The following TBPL1 variants were observed in gnomAD, a reference collection of about 807,000 sequenced individuals.
TBPL1 encodes the protein TATA-box binding protein like 1.
Under a neutral mutation model 22.1 loss-of-function variants are expected in TBPL1, and 4 were observed. That is an observed-to-expected ratio of 0.18 (90% CI 0.09 to 0.41). The LOEUF (loss-of-function observed/expected upper bound fraction) is 0.41. Among genes scored for constraint, TBPL1 ranks in the 10% least tolerant of loss-of-function variants. The pLI is 1.00. For missense variants in TBPL1, 115 were observed against 222.3 expected (o/e 0.52, Z 3.07); for synonymous variants, 64 against 71.0 (o/e 0.90, Z 0.50).
upstream of TBPL1, chr6:133,953,189 T>A (rs907462822): frequency 5.2e-5 from 8 of 152,786 alleles, no homozygotes; most frequent in African/African-American, 1.9e-4. Flanking sequence ...CCCCAGCGTC[T>A]AGTCTATTTA....
intron 1 of TBPL1, among the ~76,000 whole-genome samples, chr6:133,976,900 GGAGGTTGCCGT>G (rs1165492965): frequency 3.3e-5 from 5 of 151,606 alleles, no homozygotes; most frequent in African/African-American, 1.2e-4. Flanking sequence ...TCCAGGAGGC[GGAGGTTGCCGT>G]GAGCCAAGAT....
intron 6 of TBPL1, among the ~76,000 whole-genome samples, chr6:133,985,337 TACAC>T (rs60174070): frequency 1.8e-5 from 1 of 55,038 alleles, no homozygotes; most frequent in African/African-American, 5.9e-5. Flanking sequence ...TATATATATA[TACAC>T]ACATATATTT....
At chr6:133,954,413 C>G (rs887488162) in intron 1 of TBPL1, among the ~76,000 whole-genome samples, 2 of 152,244 alleles carry the variant, frequency 1.3e-5, no homozygotes, top group African/African-American at 2.4e-5. Flanking sequence ...ATTTCGCAGT[C>G]TCTTTGAGAA....
chr6:133,958,081 G>A (rs1178668748), intron 1 of TBPL1, among the ~76,000 whole-genome samples: 1 of 152,178 alleles, frequency 6.6e-6, no homozygotes, highest in Non-Finnish European at 1.5e-5. Context: ...GGTTATCACT[G>A]ATGGCAGATG....
chr6:133,957,162 A>G (rs1423877785), intron 1 of TBPL1, among the ~76,000 whole-genome samples: 2 of 152,196 alleles, frequency 1.3e-5, no homozygotes, highest in African/African-American at 4.8e-5. Context: ...ATCCCATTAA[A>G]TGTTTTTAAA....
intron 1 of TBPL1, among the ~76,000 whole-genome samples, chr6:133,957,401 A>G (rs1484995589): frequency 3.3e-5 from 5 of 152,246 alleles, no homozygotes; most frequent in African/African-American, 9.6e-5. Flanking sequence ...TTAGCACAAG[A>G]TAGACATCTG....
chr6:133,965,178 T>A (rs573499703), intron 1 of TBPL1, among the ~76,000 whole-genome samples: 1 of 152,370 alleles, frequency 6.6e-6, no homozygotes, highest in South Asian at 2.1e-4. Flanking sequence ...ATTAATTTAA[T>A]GGCTAAATTA....
chr6:133,982,565 C>T lies in TBPL1; in HGVS notation c.136-3C>T, dbSNP rs868334837. On this transcript the variant is annotated splice_polypyrimidine_tract_variant and splice_region_variant and intron_variant, in intron 2 of 6. Transcript: ENST00000237264. ...GAGGTAATCAGATTTTTTTTCCCCC[C>T]AGAAAGTATTAATGAAGCTTAGAAA... 2 of 1,608,046 alleles carry T rather than the reference C, an allele frequency of 1.2e-6. No individual in the cohort carries two copies. Among genetic ancestry groups the T allele is most frequent in the African/African-American group, 2.7e-5 (2 of 74,424 alleles).
Position 133,987,356 on chromosome 6 carries a change from T to A in TBPL1, c.*316T>A, listed in dbSNP as rs996530332. 1 of 168,282 alleles carries A rather than the reference T, an allele frequency of 5.9e-6. No individual in the cohort carries two copies. The highest frequency in any genetic ancestry group is 2.4e-5 in the African/African-American group (1 of 42,184). 10.4% of individuals were successfully genotyped at this position (168,282 alleles called of 1,614,324 possible). On this transcript the variant is annotated 3_prime_UTR_variant, in exon 7 of 7. Coordinates refer to ENST00000237264, the MANE Select transcript of TBPL1 (RefSeq NM_004865.4). Reference sequence around the variant, plus strand: ...ATTGTTTTATTGTCGTCATTGTTATTTTTTTCCATTTTGAGCTAATGTGTT... The same window carrying A: ...ATTGTTTTATTGTCGTCATTGTTATATTTTTCCATTTTGAGCTAATGTGTT...
chr6:133,984,762 C>T, intron 6 of TBPL1, 91 bp downstream of exon 6: 1 of 1,154,758 alleles, frequency 8.7e-7, no homozygotes, highest in Non-Finnish European at 1.3e-6. Context: ...GTGATTTGTT[C>T]CTTTCAGTCA....
At chr6:133,956,475 A>G (rs1583805687) in intron 1 of TBPL1, among the ~76,000 whole-genome samples, 1 of 152,208 alleles carries the variant, frequency 6.6e-6, no homozygotes, top group African/African-American at 2.4e-5. Flanking sequence ...TCTTTATTAC[A>G]TACTGCCTGG....
chr6:133,971,392 T>C (rs947719241), intron 1 of TBPL1, among the ~76,000 whole-genome samples: 3 of 152,258 alleles, frequency 2.0e-5, no homozygotes, highest in African/African-American at 4.8e-5. Context: ...TAGAAATCTC[T>C]TCAACATCCT....
At position 133,987,642 on chromosome 6, in the gene TBPL1, G is replaced by GTATATATA. The variant is rs1486152408; in HGVS notation, c.*603_*604insATATATAT. 3 of 130,440 alleles carry GTATATATA rather than the reference G, an allele frequency of 2.3e-5. No homozygotes were observed. Among genetic ancestry groups the GTATATATA allele is most frequent in the African/African-American group, 9.3e-5 (3 of 32,274 alleles). 8.1% of individuals were successfully genotyped at this position (130,440 alleles called of 1,614,324 possible). On this transcript the variant is annotated 3_prime_UTR_variant, in exon 7 of 7. Coordinates refer to ENST00000237264, the MANE Select transcript of TBPL1 (RefSeq NM_004865.4). ...GTGTATTTTGTGTGTGTGTGTGTGT[G>GTATATATA]TGTGTGTATATATATATATATATAT...
rs1776582391 is a variant in TBPL1, at chr6:133,989,112, G to GTAATTCGC, written c.*2076_*2083dup. On this transcript the variant is annotated 3_prime_UTR_variant, in exon 7 of 7. Transcript: ENST00000237264. ...GAGCCTCACCTAACAGTGTCCATGG[G>GTAATTCGC]TAATTCGCTAACCTTAACAAAGATG... The GTAATTCGC allele has an allele frequency of 6.6e-6, 1 of 152,156 alleles. No homozygotes were observed. The highest frequency in any genetic ancestry group is 6.6e-5 in the Admixed American group (1 of 15,256). The allele number at this position is 152,156 out of a possible 1,614,324, so 9.4% of individuals were successfully genotyped here.
intron 1 of TBPL1, among the ~76,000 whole-genome samples, chr6:133,979,412 G>A (rs1319952589): frequency 6.6e-6 from 1 of 152,134 alleles, no homozygotes; most frequent in African/African-American, 2.4e-5. Context: ...GTTAGACATT[G>A]GAACCAGAGT....
chr6:133,974,526 A>T (rs1776280720), intron 1 of TBPL1, among the ~76,000 whole-genome samples: 1 of 152,126 alleles, frequency 6.6e-6, no homozygotes, highest in Non-Finnish European at 1.5e-5. Context: ...ACGGGGTTTC[A>T]CCGTGTTGGT....
chr6:133,984,723 A>G (rs1413418920), intron 6 of TBPL1, 52 bp downstream of exon 6: 3 of 1,408,078 alleles, frequency 2.1e-6, no homozygotes, highest in African/African-American at 1.4e-5. Context: ...GAATGATACA[A>G]GATGCTCATA....
rs1776539561 is a variant in TBPL1 at position 133,987,052 on chromosome 6, A to G, written c.*12A>G. 1 of 1,595,714 alleles carries G rather than the reference A, an allele frequency of 6.3e-7. No homozygotes were observed. The highest frequency in any genetic ancestry group is 1.7e-5 in the Admixed American group (1 of 59,166). On this transcript the variant is annotated 3_prime_UTR_variant, in exon 7 of 7. Coordinates refer to ENST00000237264, the MANE Select transcript of TBPL1 (RefSeq NM_004865.4). ...AAGAAATTTTATAATTCACCACTTA[A>G]TTGGTTAGAATCTCTAACTGAGCAC... is the stretch of plus-strand genomic sequence containing the variant.
chr6:133,957,747 C>T (rs1391512321), intron 1 of TBPL1, among the ~76,000 whole-genome samples: 1 of 152,214 alleles, frequency 6.6e-6, no homozygotes, highest in Non-Finnish European at 1.5e-5. Context: ...CTGCCCTGAG[C>T]CCCAGTTTCC....
Sources: allele counts gnomAD v4.1 joint callset (sites outside exome capture counted in the v4.1 genomes callset), GRCh38; gene constraint gnomAD v4.1.1; transcripts MANE v1.5; gene names NCBI Gene and HGNC (gene_info 2026-07-23, HGNC 2026-07-21).